Variants in GRM7 observed in about 807,000 individuals in gnomAD.
The protein encoded by GRM7 is metabotropic glutamate receptor 7.
GRM7 carries 35 observed loss-of-function variants against 84.5 expected under a neutral mutation model. The observed-to-expected ratio is 0.41, with a 90% CI of 0.32 to 0.55. The LOEUF (loss-of-function observed/expected upper bound fraction) is 0.55, where lower values mean the gene tolerates loss of function less well. Ranked by LOEUF, GRM7 falls within the 20% of genes least tolerant of loss-of-function variation. GRM7 has a pLI of 0.19. For missense variants in GRM7, 1,003 were observed against 1,194.6 expected (o/e 0.84, Z 2.36); for synonymous variants, 487 against 455.1 (o/e 1.07, Z -0.89).
intron 2 of GRM7, among the ~76,000 whole-genome samples, chr3:7,290,559 A>G (rs1022043726): frequency 2.6e-5 from 4 of 152,182 alleles, no homozygotes; most frequent in Non-Finnish European, 5.9e-5. Flanking sequence ...TGCAGATAGC[A>G]CTTGCATTCT....
At chr3:6,895,399 A>G (rs764827265) in intron 1 of GRM7, among the ~76,000 whole-genome samples, 119 of 152,302 alleles carry the variant, frequency 7.8e-4, no homozygotes, top group Middle Eastern at 6.8e-3. Context: ...CTTAGCAACC[A>G]CACTTGTAAT....
intron 4 of GRM7, among the ~76,000 whole-genome samples, chr3:7,363,771 C>T (rs1389331767): frequency 6.6e-6 from 1 of 152,040 alleles, no homozygotes; most frequent in African/African-American, 2.4e-5. Flanking sequence ...ACAAGAGCTC[C>T]TCGAATTCTA....
At chr3:7,294,763 T>A (rs1699757753) in intron 2 of GRM7, among the ~76,000 whole-genome samples, 1 of 152,112 alleles carries the variant, frequency 6.6e-6, no homozygotes, top group Non-Finnish European at 1.5e-5. Context: ...AATTACAAAT[T>A]CACAGGCTTT....
rs183461986 is a variant in GRM7 at position 7,467,985 on chromosome 3, T to A, written c.1515+6263T>A. Among the ~76,000 whole-genome samples the A allele has an allele frequency of 3.9e-3, 594 of 152,310 alleles. 2 individuals carry two copies. The highest frequency in any genetic ancestry group is 9.2e-3 in the Admixed American group (141 of 15,298). ...ATTGAATCTTTCACACTTATTAGAA[T>A]TTTGGCTGTCACAGACACCTAAGAC... On this transcript the variant is annotated intron_variant, in intron 7 of 9. Transcript: ENST00000357716.
intron 8 of GRM7, among the ~76,000 whole-genome samples, chr3:7,631,084 G>T (rs1224388001): frequency 1.3e-5 from 2 of 152,164 alleles, no homozygotes; most frequent in African/African-American, 2.4e-5. Context: ...CACCGTGGCC[G>T]CAGGGTCAAA....
At chr3:7,024,244 C>T (rs1452183059) in intron 1 of GRM7, among the ~76,000 whole-genome samples, 1 of 152,162 alleles carries the variant, frequency 6.6e-6, no homozygotes, top group East Asian at 1.9e-4. Context: ...CTCGTTTCCT[C>T]TATCTAGGTC....
intron 1 of GRM7, among the ~76,000 whole-genome samples, chr3:6,898,095 G>C (rs1474215112): frequency 6.6e-6 from 1 of 152,168 alleles, no homozygotes; most frequent in Non-Finnish European, 1.5e-5. Context: ...CATCCATCAA[G>C]TTAGGCCATG....
intron 2 of GRM7, among the ~76,000 whole-genome samples, chr3:7,154,767 C>T (rs1489024292): frequency 6.6e-6 from 1 of 152,064 alleles, no homozygotes; most frequent in African/African-American, 2.4e-5. Context: ...AGTAGCCACA[C>T]TTTTGTAATA....
chr3:6,955,092 A>G (rs1323189124), intron 1 of GRM7, among the ~76,000 whole-genome samples: 1 of 152,240 alleles, frequency 6.6e-6, no homozygotes, highest in East Asian at 1.9e-4. Flanking sequence ...CTTCATTTAT[A>G]GTATCTGTCA....
At chr3:7,170,983 C>G (rs796267333) in intron 2 of GRM7, among the ~76,000 whole-genome samples, 15 of 152,288 alleles carry the variant, frequency 9.8e-5, no homozygotes, top group African/African-American at 3.6e-4. Flanking sequence ...ACATCTGGAG[C>G]TCTTATCCTC....
rs926679980 is a variant in GRM7 at position 6,861,763 on chromosome 3, G to T, written c.375G>T (p.Ala125=). The change falls in exon 1 of 10, where the codon GCG becomes GCT. Residue 125 remains alanine, a synonymous_variant. Transcript: ENST00000357716. This position sits in a 1 kb window ranked among gnomAD's most constrained non-coding sequence, Gnocchi z 6.4. The stretch of plus-strand genomic sequence containing the variant: ...AACAGTCGCTTACTTTCGTCCAGGC[G>T]CTCATCCAGAAGGACACCTCCGACG... ...ALEQSLTFVQ[A]LIQKDTSDVR... 6 of 1,614,070 alleles carry T rather than the reference G, an allele frequency of 3.7e-6. No homozygotes were observed. The African/African-American group carries it at 5.3e-5, about 14-fold the overall frequency.
At chr3:7,343,853 G>C (rs1271143128) in intron 4 of GRM7, among the ~76,000 whole-genome samples, 1 of 151,998 alleles carries the variant, frequency 6.6e-6, no homozygotes, top group Non-Finnish European at 1.5e-5. Flanking sequence ...TCATGCAGTT[G>C]CCACGATATT....
At chr3:7,215,245 G>A (rs1446756124) in intron 2 of GRM7, among the ~76,000 whole-genome samples, 2 of 152,162 alleles carry the variant, frequency 1.3e-5, no homozygotes, top group African/African-American at 4.8e-5. Flanking sequence ...ATGTTGGAAC[G>A]AATAGATATT....
intron 2 of GRM7, among the ~76,000 whole-genome samples, chr3:7,288,829 C>T (rs1699520042): frequency 6.6e-6 from 1 of 152,014 alleles, no homozygotes; most frequent in African/African-American, 2.4e-5. Flanking sequence ...TGATAATATC[C>T]CGAGAACCAC....
intron 2 of GRM7, among the ~76,000 whole-genome samples, chr3:7,273,765 G>A (rs1282914720): frequency 6.6e-6 from 1 of 151,950 alleles, no homozygotes; most frequent in Non-Finnish European, 1.5e-5. Context: ...GTGTTTGTGT[G>A]TGTGTGCTTG....
chr3:7,348,078 T>G (rs1025928099), intron 4 of GRM7, among the ~76,000 whole-genome samples: 2 of 152,196 alleles, frequency 1.3e-5, no homozygotes, highest in Non-Finnish European at 2.9e-5. Flanking sequence ...TGTGTGCTTC[T>G]GAGTTATGGT....
intron 7 of GRM7, among the ~76,000 whole-genome samples, chr3:7,482,950 C>G (rs946551713): frequency 6.6e-6 from 1 of 152,114 alleles, no homozygotes; most frequent in Non-Finnish European, 1.5e-5. Flanking sequence ...CATTTATTTT[C>G]CTACTATTTA....
At chr3:7,136,140 G>A (rs1327076147) in intron 1 of GRM7, among the ~76,000 whole-genome samples, 5 of 151,880 alleles carry the variant, frequency 3.3e-5, no homozygotes, top group African/African-American at 1.2e-4. Flanking sequence ...TATTAGAAAT[G>A]ACATATAATT....
At chr3:6,902,883 C>CACACACACA (rs1287165184) in intron 1 of GRM7, among the ~76,000 whole-genome samples, 38 of 131,556 alleles carry the variant, frequency 2.9e-4, no homozygotes, top group South Asian at 6.9e-4. Context: ...ACACACACAC[C>CACACACACA]CCTACTCTAG....
Sources: allele counts gnomAD v4.1 joint callset (sites outside exome capture counted in the v4.1 genomes callset), GRCh38; gene constraint gnomAD v4.1.1; non-coding constraint Gnocchi (gnomAD v3.1); transcripts MANE v1.5; gene names NCBI Gene and HGNC (gene_info 2026-07-23, HGNC 2026-07-21).